The following EPPK1 variants were observed in gnomAD, a reference collection of about 807,000 sequenced individuals.
EPPK1 encodes the protein epiplakin.
For missense variants in EPPK1, 3,823 were observed against 3,673.3 expected, an observed-to-expected ratio of 1.04 and a Z score of -1.05; for synonymous variants, 1,862 against 1,721.2, an observed-to-expected ratio of 1.08 and a Z score of -2.03.
In EPPK1 at chr8:143,868,807, G is replaced by A. The variant is rs201982226; in HGVS notation, c.4447C>T (p.Arg1483Trp). Residue 1483 changes from arginine to tryptophan, a missense_variant, in exon 2 of 2, where the codon CGG (arginine) becomes TGG (tryptophan). Coordinates refer to ENST00000615648, the MANE Select transcript of EPPK1 (RefSeq NM_031308.4). ...LLSEYVGADK[R>W]RELVALCRSG... ...CGACAGAGTGCCACCAGCTCCCGCCGCTTGTCAGCGCCAACGTATTCGGAG... is the reference window on the plus strand; with the variant it reads ...CGACAGAGTGCCACCAGCTCCCGCCACTTGTCAGCGCCAACGTATTCGGAG... 133 of 1,603,500 alleles carry A rather than the reference G, an allele frequency of 8.3e-5. No homozygotes were observed. The highest frequency in any genetic ancestry group is 6.0e-4 in the Admixed American group (36 of 59,712).
In EPPK1 at chr8:143,866,364, TG is replaced by T. The variant is rs1819106050; in HGVS notation, c.6889del (p.Gln2297ArgfsTer76). 1.3e-6 allele frequency: 1 copy of T among 778,102 alleles called. No homozygotes were observed. Among genetic ancestry groups the T allele is most frequent in the African/African-American group, 2.2e-5 (1 of 45,076 alleles). The allele number at this position is 778,102 out of a possible 1,614,324, so 48.2% of individuals were successfully genotyped here. A position where few individuals can be genotyped will look rare whatever the true frequency, so the allele number is the denominator to read the frequency against. On this transcript the variant is annotated frameshift_variant, in exon 2 of 2. Transcript: ENST00000615648. LOFTEE classifies it low-confidence loss of function (END_TRUNC). ...GCGCTCGGCCGACAGCAGCTTCTCC[TG>T]GATCTCGCCGCCCACCACGCCCGCG... ...VAAGVVGGEIQEKLLSAERAV... is the reference protein window; with the variant it reads ...VAAGVVGGEIXEKLLSAERAV...
At position 143,869,770 on chromosome 8, in the gene EPPK1, G is replaced by A. The variant is rs782539747; in HGVS notation, c.3484C>T (p.Leu1162=). ...HFTEEQRRGL[L]EDVQEGRTTV... ...GTCCTCCCCTCCTGCACGTCCTCCA[G>A]CAGGCCCCTCCGTTGCTCCTCGGTG... Residue 1162 remains leucine, a synonymous_variant, in exon 2 of 2, where the codon CTG becomes TTG. Coordinates refer to ENST00000615648, the MANE Select transcript of EPPK1 (RefSeq NM_031308.4). 5.0e-6 allele frequency: 8 copies of A among 1,604,026 alleles called. No individual in the cohort carries two copies. The highest frequency in any genetic ancestry group is 6.8e-6 in the Non-Finnish European group (8 of 1,176,250).
chr8:143,868,003 C>CG lies in EPPK1; in HGVS notation c.5250dup (p.Glu1751ArgfsTer21). The CG allele has an allele frequency of 6.2e-7, 1 of 1,613,696 alleles. No individual in the cohort carries two copies. The highest frequency in any genetic ancestry group is 8.5e-7 in the Non-Finnish European group (1 of 1,180,016). On this transcript the variant is annotated frameshift_variant, in exon 2 of 2. Coordinates refer to ENST00000615648, the MANE Select transcript of EPPK1 (RefSeq NM_031308.4). LOFTEE classifies it low-confidence loss of function (END_TRUNC). ...ATTTGTAGCAGGTACAGGCCCGTCTCGGGGTCCTCCACACAGCGCTCCAGA... is the reference window on the plus strand; with the variant it reads ...ATTTGTAGCAGGTACAGGCCCGTCTCGGGGGTCCTCCACACAGCGCTCCAGA...
Position 143,869,513 on chromosome 8 carries a change from G to A in EPPK1, c.3741C>T (p.Cys1247=), listed in dbSNP as rs371528725. 136 of 1,549,292 alleles carry A rather than the reference G, an allele frequency of 8.8e-5. No individual in the cohort carries two copies. The African/African-American group carries it at 1.0e-3, about 12-fold the overall frequency. Residue 1247 remains cysteine (C), a synonymous_variant, in exon 2 of 2, where the codon TGC becomes TGT. Coordinates refer to ENST00000615648, the MANE Select transcript of EPPK1 (RefSeq NM_031308.4). ...AGGGCTGTAGCAGCACACCGGCCAC[G>A]CAGCCTGTGCCCCACAGGCAGGCCT... The part of the protein sequence containing the change: ...AVKACLWGTG[C]VAGVLLQPSG...
At chr8:143,878,375 GCCCGCACCCGCCGCAC>G (rs1819524933) in intron 1 of EPPK1, 47 bp downstream of exon 1, 1 of 124,730 alleles carries the variant, frequency 8.0e-6, no homozygotes, top group Non-Finnish European at 1.7e-5. Flanking sequence ...CGCCGCACCT[GCCCGCACCCGCCGCAC>G]CTGCCCGCAC....
At position 143,872,798 on chromosome 8, in the gene EPPK1, C is replaced by T. The variant is rs1554661715; in HGVS notation, c.456G>A (p.Glu152=). 4 of 1,570,446 alleles carry T rather than the reference C, an allele frequency of 2.5e-6. No homozygotes were observed. Among genetic ancestry groups the T allele is most frequent in the South Asian group, 1.2e-5 (1 of 84,628 alleles). The change falls in exon 2 of 2, where the codon GAG becomes GAA. Residue 152 remains glutamate, a synonymous_variant. Transcript: ENST00000615648. ...VDRALGQSWL[E]VQLATGGLVD... is the part of the protein sequence containing the mutation. ...CCAGGCCCCCAGTGGCCAGTTGGAC[C>T]TCCAGCCAGCTCTGCCCCAGGGCCC...
In EPPK1 at chr8:143,870,493, C is replaced by T. The variant is rs782685248; in HGVS notation, c.2761G>A (p.Gly921Ser). The T allele has an allele frequency of 2.6e-5, 42 of 1,605,836 alleles. No homozygotes were observed. The highest frequency in any genetic ancestry group is 9.4e-5 in the African/African-American group (7 of 74,786). ...ISPEALLLMD[G>S]VRRYLCGLGA... Reference sequence around the variant, plus strand: ...AGGCCGCACAGGTACCTGCGGACGCCGTCCATGAGTAGGAGGGCCTCCGGG... The same window carrying T: ...AGGCCGCACAGGTACCTGCGGACGCTGTCCATGAGTAGGAGGGCCTCCGGG... The change falls in exon 2 of 2, where the codon GGC becomes AGC. Residue 921 changes from glycine to serine, a missense_variant. Coordinates refer to ENST00000615648, the MANE Select transcript of EPPK1 (RefSeq NM_031308.4). The surrounding 1 kb of genome is among the most constrained non-coding windows in gnomAD (Gnocchi z 5.2).
At position 143,869,842 on chromosome 8, in the gene EPPK1, C is replaced by T. The variant is rs1554660525; in HGVS notation, c.3412G>A (p.Ala1138Thr). ...VQRSLQAVPG[A>T]KDGTSLWDLL... is the part of the protein sequence containing the mutation. ...TCCCAGAGGGATGTGCCATCCTTGG[C>T]CCCCGGCACGGCCTGCAGGCTCCTC... The change falls in exon 2 of 2, where the codon GCC becomes ACC. Residue 1138 changes from alanine to threonine, a missense_variant. Ala to Thr is a moderately conservative substitution (Grantham distance 58, BLOSUM62 0). Coordinates refer to ENST00000615648, the MANE Select transcript of EPPK1 (RefSeq NM_031308.4). 3 of 1,597,662 alleles carry T rather than the reference C, an allele frequency of 1.9e-6. No individual in the cohort carries two copies. The highest frequency in any genetic ancestry group is 2.3e-5 in the East Asian group (1 of 44,246).
rs1554661145 is a variant in EPPK1 at position 143,871,420 on chromosome 8, T to C, written c.1834A>G (p.Ile612Val). The change falls in exon 2 of 2, where the codon ATT (isoleucine) becomes GTT (valine). Residue 612 changes from isoleucine to valine, a missense_variant. By Grantham distance (29) the Ile-to-Val change is conservative (BLOSUM62 3). Coordinates refer to ENST00000615648, the MANE Select transcript of EPPK1 (RefSeq NM_031308.4). ...VQRYLQGTGC[I>V]AGLLLPGSQE... The stretch of plus-strand genomic sequence containing the variant: ...GAGCCAGGGAGCAGCAGGCCAGCAA[T>C]GCAGCCCGTACCCTGCAGGTACCTC... 2 of 1,604,602 alleles carry C rather than the reference T, an allele frequency of 1.2e-6. No individual in the cohort carries two copies. The highest frequency in any genetic ancestry group is 1.1e-5 in the South Asian group (1 of 89,718).
In EPPK1 at chr8:143,867,211, C is replaced by A. The variant is rs782195794; in HGVS notation, c.6043G>T (p.Gly2015Cys). ...TGGTGGTGCTGTGGGTCGATGACAC[C>A]CCCCGTGGCCACCTGCACCTCCAGC... ...RLLEVQVATGGVIDPQHHHRL... is the reference protein window; with the variant it reads ...RLLEVQVATGCVIDPQHHHRL... Residue 2015 changes from glycine (G) to cysteine (C), a missense_variant, in exon 2 of 2, where the codon GGT (glycine) becomes TGT (cysteine). Gly to Cys is a radical substitution (Grantham distance 159). Transcript: ENST00000615648. 6.2e-7 allele frequency: 1 copy of A among 1,612,684 alleles called. No individual in the cohort carries two copies. Among genetic ancestry groups the A allele is most frequent in the African/African-American group, 1.3e-5 (1 of 75,016 alleles).
Position 143,870,098 on chromosome 8 carries a change from G to T in EPPK1, c.3156C>A (p.Pro1052=). ...AQVATGGIID[P]TSHHHLPMPV... ...GCATGGGGAGGTGGTGGTGGCTGGTGGGGTCAATGATCCCTCCTGTGGCCA... is the reference window on the plus strand; with the variant it reads ...GCATGGGGAGGTGGTGGTGGCTGGTTGGGTCAATGATCCCTCCTGTGGCCA... Residue 1052 remains proline (P), a synonymous_variant, in exon 2 of 2, where the codon CCC becomes CCA. Transcript: ENST00000615648. The surrounding 1 kb of genome is among the most constrained non-coding windows in gnomAD (Gnocchi z 5.2). 1.2e-6 allele frequency: 2 copies of T among 1,610,632 alleles called. No homozygotes were observed. The highest frequency in any genetic ancestry group is 1.1e-5 in the South Asian group (1 of 90,676).
Position 143,868,917 on chromosome 8 carries a change from G to T in EPPK1, c.4337C>A (p.Thr1446Asn). 6 of 1,611,064 alleles carry T rather than the reference G, an allele frequency of 3.7e-6. No homozygotes were observed. The highest frequency in any genetic ancestry group is 5.1e-6 in the Non-Finnish European group (6 of 1,179,842). The change falls in exon 2 of 2, where the codon ACC (threonine) becomes AAC (asparagine). Residue 1446 changes from threonine (T) to asparagine (N), a missense_variant. Physicochemically the swap from Thr to Asn is moderately conservative, Grantham distance 65. Transcript: ENST00000615648. ...CTTCATGGCCCTCAGAGCCACCGCG[G>T]TGTGGTCGTCCACCTCAAGCACTGT... is the stretch of plus-strand genomic sequence containing the variant. ...SDTVLEVDDH[T>N]AVALRAMKVP...
At position 143,858,058 on chromosome 8, in the gene EPPK1, G is replaced by A. The variant is rs7005697; in HGVS notation, c.15196C>T (p.Leu5066=). ...AGGGTGGCCCTCTGCAGAAGCTGCA[G>A]GTACGTGAGGTTCTCGTGCGTGTTG... ...DPNTHENLTY[L]QLLQRATLDP... is the part of the protein sequence containing the mutation. Residue 5066 remains leucine (L), a synonymous_variant, in exon 2 of 2, where the codon CTG becomes TTG. Coordinates refer to ENST00000615648, the MANE Select transcript of EPPK1 (RefSeq NM_031308.4). The A allele has an allele frequency of 1.9e-6, 3 of 1,603,610 alleles. No individual in the cohort carries two copies. Among genetic ancestry groups the A allele is most frequent in the Admixed American group, 1.7e-5 (1 of 59,890 alleles).
rs782195835 is a variant in EPPK1, at chr8:143,871,354, G to A, written c.1900C>T (p.Leu634Phe). 15 of 1,609,834 alleles carry A rather than the reference G, an allele frequency of 9.3e-6. No homozygotes were observed. The highest frequency in any genetic ancestry group is 1.1e-5 in the Non-Finnish European group (13 of 1,178,870). ...ATGAGGGCAGTGCCGGGCCGGAGGA[G>A]CCCCTTGCATCGGGCCTCATAGATG... ...LSIYEARCKG[L>F]LRPGTALILL... The change falls in exon 2 of 2, where the codon CTC becomes TTC. Residue 634 changes from leucine (L) to phenylalanine (F), a missense_variant. Leu to Phe is a conservative substitution (Grantham distance 22). Transcript: ENST00000615648.
rs782124931 is a variant in EPPK1 at position 143,866,861 on chromosome 8, C to G, written c.6393G>C (p.Val2131=). The change falls in exon 2 of 2, where the codon GTG becomes GTC. Residue 2131 remains valine (V), a synonymous_variant. Transcript: ENST00000615648. ...TLWALLNSEY[V]TEEKKLQLVR... ...CCAGCTGGAGCTTCTTCTCCTCTGT[C>G]ACGTATTCGGAATTCAGTAGTGCCC... is the stretch of plus-strand genomic sequence containing the variant. 6.2e-7 allele frequency: 1 copy of G among 1,613,316 alleles called. No individual in the cohort carries two copies. Among genetic ancestry groups the G allele is most frequent in the East Asian group, 2.2e-5 (1 of 44,880 alleles).
Position 143,872,213 on chromosome 8 carries a change from C to T in EPPK1, c.1041G>A (p.Leu347=), listed in dbSNP as rs983209060. 4.4e-6 allele frequency: 7 copies of T among 1,607,876 alleles called. No individual in the cohort carries two copies. The highest frequency in any genetic ancestry group is 5.9e-6 in the Non-Finnish European group (7 of 1,177,566). Residue 347 remains leucine (L), a synonymous_variant, in exon 2 of 2, where the codon CTG becomes CTA. Coordinates refer to ENST00000615648, the MANE Select transcript of EPPK1 (RefSeq NM_031308.4). ...GCTGCTCATGGAGCTCTGGGCTGACCAGGCCCGCCCTGACTGCCTCGTCTA... is the reference window on the plus strand; with the variant it reads ...GCTGCTCATGGAGCTCTGGGCTGACTAGGCCCGCCCTGACTGCCTCGTCTA... ...LWVDEAVRAG[L]VSPELHEQLL... is the part of the protein sequence containing the mutation.
At position 143,869,144 on chromosome 8, in the gene EPPK1, G is replaced by A. The variant is rs143464035; in HGVS notation, c.4110C>T (p.His1370=). 152 of 1,606,234 alleles carry A rather than the reference G, an allele frequency of 9.5e-5. No individual in the cohort carries two copies. The African/African-American group carries it at 1.4e-3, about 15-fold the overall frequency. The part of the protein sequence containing the change: ...LATGGVVDPV[H]GVHLPQAAAC... ...CTGCCGCCTGGGGCAGGTGCACCCC[G>A]TGGACAGGGTCCACCACACCCCCTG... Residue 1370 remains histidine (H), a synonymous_variant, in exon 2 of 2, where the codon CAC becomes CAT. Transcript: ENST00000615648.
In EPPK1 at chr8:143,871,673, C is replaced by G. The variant is rs782543815; in HGVS notation, c.1581G>C (p.Leu527=). The G allele has an allele frequency of 2.5e-6, 4 of 1,602,908 alleles. No individual in the cohort carries two copies. In the South Asian group the frequency reaches 4.5e-5, roughly 18 times the overall value. Residue 527 remains leucine, a synonymous_variant, in exon 2 of 2, where the codon CTG becomes CTC. Transcript: ENST00000615648. ...GGGTCCCTTCCTGGTACTGCTGGGC[C>G]AGCATCGCCCTCTGCTCTGAGGAGA... ...EAISSEQRAM[L]AQQYQEGTLS...
At chr8:143,875,540 C>G (rs1427817610) in intron 1 of EPPK1, among the ~76,000 whole-genome samples, 2 of 152,270 alleles carry the variant, frequency 1.3e-5, no homozygotes, top group African/African-American at 2.4e-5. Flanking sequence ...GCTCAGGACA[C>G]AGTGTCAGGT....
Sources: gnomAD v4.1 joint callset for allele counts (sites outside exome capture counted in the v4.1 genomes callset) on GRCh38, gnomAD v4.1.1 for gene constraint, Gnocchi (gnomAD v3.1) non-coding constraint, MANE v1.5 for transcripts, NCBI Gene and HGNC (gene_info 2026-07-23, HGNC 2026-07-21) for gene names.